CSMD1: variants seen among roughly 807,000 people sequenced by gnomAD.
CSMD1 encodes CUB and sushi domain-containing protein 1.
Under a neutral mutation model 417.5 loss-of-function variants are expected in CSMD1, and 213 were observed. The observed-to-expected ratio is 0.51, with a 90% CI of 0.46 to 0.57. The LOEUF (loss-of-function observed/expected upper bound fraction) is 0.57, where lower values mean the gene tolerates loss of function less well. CSMD1 is among the 20% of genes least tolerant of loss of function. The pLI, the probability that CSMD1 is intolerant of heterozygous loss-of-function variation, is 0.00. For missense variants in CSMD1, 6,923 were observed against 4,529.7 expected, an observed-to-expected ratio of 1.53 and a Z score of -15.17; for synonymous variants, 2,862 against 1,736.8, an observed-to-expected ratio of 1.65 and a Z score of -16.11.
intron 33 of CSMD1, among the ~76,000 whole-genome samples, chr8:3,198,826 G>A (rs1796838615): frequency 6.6e-6 from 1 of 152,114 alleles, no homozygotes; most frequent in African/African-American, 2.4e-5. Context: ...AGAAACCATT[G>A]CTAAGAAAAA....
At chr8:2,999,853 C>T (rs1051644739) in intron 53 of CSMD1, 105 bp downstream of exon 53, 26 of 986,428 alleles carry the variant, frequency 2.6e-5, no homozygotes, top group Middle Eastern at 3.6e-4. Context: ...GTTTGCTGTT[C>T]CCTTTTACAG....
chr8:2,938,405 TC>T lies in CSMD1; in HGVS notation c.*179del. On this transcript the variant is annotated 3_prime_UTR_variant, in exon 70 of 70. Transcript: ENST00000635120. ...GAATGAAAACGCATGTGTAGTTTGA[TC>T]CGTAGAAGACCCTGACACATTTGAG... 1 of 561,624 alleles carries T rather than the reference TC, an allele frequency of 1.8e-6. No individual in the cohort carries two copies. Among genetic ancestry groups the T allele is most frequent in the South Asian group, 3.1e-5 (1 of 32,584 alleles). The allele number at this position is 561,624 out of a possible 1,614,324, so 34.8% of individuals were successfully genotyped here.
intron 3 of CSMD1, among the ~76,000 whole-genome samples, chr8:4,391,987 A>T (rs1413793821): frequency 6.6e-6 from 1 of 152,182 alleles, no homozygotes; most frequent in Non-Finnish European, 1.5e-5. Context: ...AGACCTAGTC[A>T]ACACCAAGCA....
intron 2 of CSMD1, among the ~76,000 whole-genome samples, chr8:4,621,110 A>G (rs1399952763): frequency 6.6e-6 from 1 of 152,092 alleles, no homozygotes; most frequent in Non-Finnish European, 1.5e-5. Context: ...CTTATCTGAA[A>G]TTCTTAGGAC....
chr8:3,911,994 A>T (rs1808495007), intron 5 of CSMD1, among the ~76,000 whole-genome samples: 1 of 152,326 alleles, frequency 6.6e-6, no homozygotes, highest in South Asian at 2.1e-4. Flanking sequence ...CGATAAAAAT[A>T]GTTCAAAGGA....
At chr8:4,272,560 C>T (rs954377624) in intron 3 of CSMD1, among the ~76,000 whole-genome samples, 3 of 152,084 alleles carry the variant, frequency 2.0e-5, no homozygotes, top group East Asian at 1.9e-4. Flanking sequence ...CTTGTAATAC[C>T]AGTTATTTAC....
intron 3 of CSMD1, among the ~76,000 whole-genome samples, chr8:4,237,751 G>T (rs1802154535): frequency 6.6e-6 from 1 of 152,120 alleles, no homozygotes; most frequent in Admixed American, 6.5e-5. Flanking sequence ...GGGCTCAAGT[G>T]ATCCTTCTTC....
At chr8:3,861,186 T>C (rs114365316) in intron 5 of CSMD1, among the ~76,000 whole-genome samples, 5,368 of 152,264 alleles carry the variant, frequency 0.035, 102 homozygotes, top group Middle Eastern at 0.068. Context: ...CTCACCTGTT[T>C]CTTGGCAACG....
At chr8:3,207,569 C>G (rs1017170476) in intron 30 of CSMD1, among the ~76,000 whole-genome samples, 6 of 152,128 alleles carry the variant, frequency 3.9e-5, no homozygotes, top group Non-Finnish European at 8.8e-5. Context: ...ATGAATTAAG[C>G]TCCTTAGAAT....
chr8:4,115,453 C>T (rs1802083669), intron 3 of CSMD1, among the ~76,000 whole-genome samples: 1 of 152,168 alleles, frequency 6.6e-6, no homozygotes, highest in East Asian at 1.9e-4. Flanking sequence ...CTGAGGTATG[C>T]CTGTGTTTTT....
At chr8:4,056,312 A>T (rs1388865155) in intron 3 of CSMD1, among the ~76,000 whole-genome samples, 1 of 150,312 alleles carries the variant, frequency 6.7e-6, no homozygotes, top group Non-Finnish European at 1.5e-5. Context: ...CAAACTCCTG[A>T]CCTTAGGTGA....
intron 1 of CSMD1, among the ~76,000 whole-genome samples, chr8:4,802,921 G>C (rs758819683): frequency 6.6e-6 from 1 of 152,168 alleles, no homozygotes; most frequent in Non-Finnish European, 1.5e-5. Flanking sequence ...CCACTGGAGA[G>C]AGGCAGAATA....
intron 18 of CSMD1, among the ~76,000 whole-genome samples, chr8:3,385,275 ATATG>A: frequency 6.7e-6 from 1 of 149,706 alleles, no homozygotes. Context: ...GTATGAATAT[ATATG>A]TATGTATGTA....
At chr8:3,646,092 T>C (rs188353491) in intron 7 of CSMD1, among the ~76,000 whole-genome samples, 52 of 149,830 alleles carry the variant, frequency 3.5e-4, no homozygotes, top group African/African-American at 1.0e-3. Context: ...AGTTACAAAA[T>C]AGAAAACTCT....
intron 3 of CSMD1, among the ~76,000 whole-genome samples, chr8:4,336,067 G>C (rs746073519): frequency 4.6e-5 from 7 of 152,078 alleles, no homozygotes; most frequent in Non-Finnish European, 7.4e-5. Flanking sequence ...TAATGATTAA[G>C]TTCCACAAGA....
chr8:3,759,068 A>G (rs766767987), intron 5 of CSMD1, among the ~76,000 whole-genome samples: 1 of 152,240 alleles, frequency 6.6e-6, no homozygotes, highest in Non-Finnish European at 1.5e-5. Flanking sequence ...AGCCCAGCTG[A>G]CACCTTGATT....
chr8:3,686,252 C>T (rs575108499), intron 7 of CSMD1, among the ~76,000 whole-genome samples: 2 of 152,194 alleles, frequency 1.3e-5, no homozygotes, highest in African/African-American at 2.4e-5. Flanking sequence ...ATAATCAGAG[C>T]GCTTGGAATA....
At chr8:4,720,700 G>C (rs1808995328) in intron 1 of CSMD1, among the ~76,000 whole-genome samples, 1 of 152,164 alleles carries the variant, frequency 6.6e-6, no homozygotes, top group African/African-American at 2.4e-5. Flanking sequence ...GGGATTACAG[G>C]TGTGAGCCAC....
chr8:4,044,832 C>A (rs1365522050), intron 3 of CSMD1, among the ~76,000 whole-genome samples: 2 of 152,218 alleles, frequency 1.3e-5, no homozygotes, highest in Non-Finnish European at 1.5e-5. Context: ...ATGAGTAGCA[C>A]CCCAGGCTTG....
Sources: gnomAD v4.1 joint callset for allele counts (sites outside exome capture counted in the v4.1 genomes callset) on GRCh38, gnomAD v4.1.1 for gene constraint, MANE v1.5 for transcripts, NCBI Gene and HGNC (gene_info 2026-07-23, HGNC 2026-07-21) for gene names.